RBMS3: variants seen among roughly 807,000 people sequenced by gnomAD.
RBMS3 encodes RNA binding motif single stranded interacting protein 3, also known as RNA-binding motif, single-stranded-interacting protein 3.
Under a neutral mutation model 66.8 loss-of-function variants are expected in RBMS3, and 27 were observed. That is an observed-to-expected ratio of 0.40 (90% confidence interval 0.30 to 0.56). The LOEUF (loss-of-function observed/expected upper bound fraction) is 0.56. Among genes scored for constraint, RBMS3 ranks in the 20% least tolerant of loss-of-function variants. RBMS3 has a pLI of 0.40. For synonymous variants in RBMS3, 188 were observed against 183.0 expected (o/e 1.03, Z -0.22); for missense variants, 513 against 549.5 (o/e 0.93, Z 0.66).
intron 1 of RBMS3, among the ~76,000 whole-genome samples, chr3:29,398,625 G>A (rs933518424): frequency 3.9e-5 from 6 of 152,178 alleles, no homozygotes; most frequent in Admixed American, 1.3e-4. Context: ...GCTAGAACAC[G>A]TGGTCATTGA....
chr3:30,002,674 C>T lies in RBMS3; in HGVS notation c.1308-1182C>T, dbSNP rs937922170. Among the ~76,000 whole-genome samples the T allele has an allele frequency of 5.3e-5, 8 of 151,924 alleles. No homozygotes were observed. The East Asian group carries it at 5.8e-4, about 11-fold the overall frequency. ...AACCTATTGATAAAAATTGAATATT[C>T]GATCTCTCAACTAGTTGCTTTCCTC... On this transcript the variant is annotated intron_variant, in intron 14 of 14. Coordinates refer to ENST00000383767, the MANE Select transcript of RBMS3 (RefSeq NM_001003793.3).
intron 10 of RBMS3, among the ~76,000 whole-genome samples, chr3:29,903,663 CTTTA>C (rs2060307392): frequency 6.6e-6 from 1 of 151,910 alleles, no homozygotes; most frequent in African/African-American, 2.4e-5. Flanking sequence ...CTTTCTTAAA[CTTTA>C]TTTAAGCTCA....
rs141333787 is a variant in RBMS3 at position 29,490,758 on chromosome 3, C to G, written c.307+2259C>G. 5.0e-3 allele frequency among the ~76,000 whole-genome samples: 768 copies of G among 152,184 alleles called. 5 individuals are homozygous for G. The highest frequency in any genetic ancestry group is 0.018 in the African/African-American group (733 of 41,510). On this transcript the variant is annotated intron_variant, in intron 3 of 14. Coordinates refer to ENST00000383767, the MANE Select transcript of RBMS3 (RefSeq NM_001003793.3). ...AGAACATTTGAGAAGAAAGCTGGGC[C>G]ATGGCCAAGGGATGTTCTGTCACTC...
chr3:29,563,127 G>C (rs1161311979), intron 3 of RBMS3, among the ~76,000 whole-genome samples: 1 of 152,134 alleles, frequency 6.6e-6, no homozygotes, highest in African/African-American at 2.4e-5. Flanking sequence ...TAGAATAGCA[G>C]GTCATTGTAA....
At position 29,881,464 on chromosome 3, in the gene RBMS3, C is replaced by G. The variant is rs117868845; in HGVS notation, c.745-2698C>G. Among the ~76,000 whole-genome samples the G allele has an allele frequency of 4.0e-3, 609 of 152,256 alleles. 18 individuals carry two copies. The highest frequency in any genetic ancestry group is 0.029 in the Admixed American group (437 of 15,288). On this transcript the variant is annotated intron_variant, in intron 7 of 14. Transcript: ENST00000383767. ...AAACCATTTAAAAATTGAGGAAACT[C>G]AGGCTCAAATAGGTTAAATAATTTG... is the stretch of plus-strand genomic sequence containing the variant.
rs530595007 is a variant in RBMS3 at position 29,360,196 on chromosome 3, T to G, written c.76-74547T>G. On this transcript the variant is annotated intron_variant, in intron 1 of 14. Transcript: ENST00000383767. ...CTTGTGGGCATTTAGTGCTATAAAT[T>G]TCCCTCTACACACTGCTTTAAATGT... 1.9e-4 allele frequency among the ~76,000 whole-genome samples: 29 copies of G among 152,220 alleles called. 3 individuals carry two copies. Among genetic ancestry groups the G allele is most frequent in the African/African-American group, 6.7e-4 (28 of 41,484 alleles).
chr3:29,618,506 CA>C (rs2048748272), intron 4 of RBMS3, among the ~76,000 whole-genome samples: 1 of 150,314 alleles, frequency 6.7e-6, no homozygotes, highest in African/African-American at 2.5e-5. Context: ...AACTCTATCT[CA>C]AAAAAAGAAA....
chr3:29,509,498 C>T (rs1375460400), intron 3 of RBMS3, among the ~76,000 whole-genome samples: 10 of 152,180 alleles, frequency 6.6e-5, no homozygotes, highest in South Asian at 2.1e-4. Context: ...GTTGCCATAA[C>T]ATGAAATAGC....
rs75719799 is a variant in RBMS3 at position 29,372,669 on chromosome 3, C to T, written c.76-62074C>T. ...CTCTCTCTCAATTTTACTGTTATTCCTCTAATAATAAATGTCTCGGGGAGA... is the reference window on the plus strand; with the variant it reads ...CTCTCTCTCAATTTTACTGTTATTCTTCTAATAATAAATGTCTCGGGGAGA... On this transcript the variant is annotated intron_variant, in intron 1 of 14. Coordinates refer to ENST00000383767, the MANE Select transcript of RBMS3 (RefSeq NM_001003793.3). Among the ~76,000 whole-genome samples, 210 of 151,576 alleles carry T rather than the reference C, an allele frequency of 1.4e-3. 2 individuals carry two copies. Among genetic ancestry groups the T allele is most frequent in the African/African-American group, 4.7e-3 (196 of 41,364 alleles).
intron 1 of RBMS3, among the ~76,000 whole-genome samples, chr3:29,374,784 A>G (rs1335961204): frequency 6.6e-6 from 1 of 152,230 alleles, no homozygotes; most frequent in East Asian, 1.9e-4. Flanking sequence ...GTATACAGAA[A>G]AGGCAATACT....
chr3:29,648,555 G>C (rs963134083), intron 4 of RBMS3, among the ~76,000 whole-genome samples: 1 of 152,090 alleles, frequency 6.6e-6, no homozygotes, highest in Admixed American at 6.5e-5. Flanking sequence ...TTACAGACGT[G>C]AGCCACCACA....
intron 6 of RBMS3, among the ~76,000 whole-genome samples, chr3:29,768,425 T>A (rs1280459691): frequency 6.6e-6 from 1 of 151,864 alleles, no homozygotes; most frequent in East Asian, 1.9e-4. Flanking sequence ...TCTAAATCTT[T>A]GTATGAGAAG....
intron 1 of RBMS3, among the ~76,000 whole-genome samples, chr3:29,359,441 G>A (rs1320142104): frequency 2.6e-5 from 4 of 152,056 alleles, no homozygotes; most frequent in African/African-American, 9.7e-5. Context: ...TGCTGGATTC[G>A]GTTTGCCAGT....
intron 4 of RBMS3, among the ~76,000 whole-genome samples, chr3:29,618,688 G>C (rs1198391149): frequency 6.6e-6 from 1 of 151,764 alleles, no homozygotes; most frequent in Non-Finnish European, 1.5e-5. Context: ...TTTCCCTTGT[G>C]ATCCATAATA....
At chr3:29,409,988 G>A (rs1356463903) in intron 1 of RBMS3, among the ~76,000 whole-genome samples, 1 of 151,916 alleles carries the variant, frequency 6.6e-6, no homozygotes, top group African/African-American at 2.4e-5. Context: ...CATTGGTTTT[G>A]GCAGCCACCG....
chr3:29,780,740 G>A (rs986833943), intron 6 of RBMS3, among the ~76,000 whole-genome samples: 24 of 152,092 alleles, frequency 1.6e-4, no homozygotes, highest in African/African-American at 5.5e-4. Context: ...TGTAATATGT[G>A]TGCTTGCTTT....
At chr3:29,495,571 A>AT (rs2148926436) in intron 3 of RBMS3, among the ~76,000 whole-genome samples, 1 of 151,570 alleles carries the variant, frequency 6.6e-6, no homozygotes, top group African/African-American at 2.4e-5. Flanking sequence ...GCGCGCCACC[A>AT]TGCCCCATTA....
intron 6 of RBMS3, among the ~76,000 whole-genome samples, chr3:29,790,339 C>A (rs1016832199): frequency 2.6e-5 from 4 of 152,012 alleles, no homozygotes; most frequent in African/African-American, 4.8e-5. Flanking sequence ...TTTTGTGAGG[C>A]GTCTTTTGTA....
chr3:29,960,162 T>G (rs1696329887), intron 12 of RBMS3, among the ~76,000 whole-genome samples: 1 of 152,142 alleles, frequency 6.6e-6, no homozygotes, highest in African/African-American at 2.4e-5. Flanking sequence ...AGATACAATG[T>G]GAGTACAGGA....
Sources: allele counts gnomAD v4.1 joint callset (sites outside exome capture counted in the v4.1 genomes callset), GRCh38; gene constraint gnomAD v4.1.1; transcripts MANE v1.5; gene names NCBI Gene and HGNC (gene_info 2026-07-23, HGNC 2026-07-21).